Variants in DAB2IP observed in about 807,000 individuals in gnomAD.
The protein encoded by DAB2IP is disabled homolog 2-interacting protein.
A neutral mutation model predicts 107.2 loss-of-function variants in DAB2IP; 28 were observed. That is an observed-to-expected ratio of 0.26 (90% CI 0.19 to 0.36). The LOEUF is 0.36. DAB2IP is among the 10% of genes least tolerant of loss of function. DAB2IP has a pLI of 1.00. For missense variants in DAB2IP, 1,400 were observed against 1,644.7 expected (o/e 0.85, Z 2.57); for synonymous variants, 755 against 706.4 (o/e 1.07, Z -1.09).
intron 1 of DAB2IP, among the ~76,000 whole-genome samples, chr9:121,663,449 G>A (rs925634373): frequency 1.3e-5 from 2 of 152,136 alleles, no homozygotes; most frequent in Non-Finnish European, 2.9e-5. Context: ...CTGCCCCCGA[G>A]TGCTCTATGT....
chr9:121,597,772 C>T (rs774694564), intron 1 of DAB2IP, among the ~76,000 whole-genome samples: 2 of 152,180 alleles, frequency 1.3e-5, no homozygotes, highest in East Asian at 3.8e-4. Flanking sequence ...GTCGCACAGC[C>T]AGAAAGTGTT....
chr9:121,662,000 A>T lies in DAB2IP; in HGVS notation c.124+10101A>T, dbSNP rs575799459. 3.2e-4 allele frequency among the ~76,000 whole-genome samples: 49 copies of T among 152,040 alleles called. No homozygotes were observed. The South Asian group carries it at 9.4e-3, about 29-fold the overall frequency. On this transcript the variant is annotated intron_variant, in intron 1 of 15. Coordinates refer to ENST00000408936, the Ensembl canonical transcript of DAB2IP. ...TGTCTCGAAAAAAAAAAACAAAAAA[A>T]CCCAACTCCTAAGATTACAAAAAGC...
At chr9:121,749,134 T>C (rs771656005) in intron 3 of DAB2IP, among the ~76,000 whole-genome samples, 10 of 152,130 alleles carry the variant, frequency 6.6e-5, no homozygotes, top group Admixed American at 3.3e-4. Context: ...ATTCCTCTCC[T>C]CTCCCCTGGG....
At chr9:121,607,271 G>A (rs1830916951) in intron 1 of DAB2IP, among the ~76,000 whole-genome samples, 1 of 151,926 alleles carries the variant, frequency 6.6e-6, no homozygotes, top group Admixed American at 6.6e-5. Context: ...TGATGGTCTG[G>A]TTTTATGTTC....
intron 15 of DAB2IP, 83 bp downstream of exon 15, chr9:121,781,634 C>A: frequency 7.3e-7 from 1 of 1,368,040 alleles, no homozygotes; most frequent in South Asian, 1.2e-5. Context: ...CATCCTCAGT[C>A]ATACCTCACT....
chr9:121,773,298 C>T lies in DAB2IP; in HGVS notation c.2770C>T (p.Pro924Ser). The T allele has an allele frequency of 2.0e-6, 3 of 1,515,234 alleles. No homozygotes were observed. The East Asian group carries it at 7.4e-5, about 37-fold the overall frequency. The allele number at this position is 1,515,234 out of a possible 1,614,324, so 93.9% of individuals were successfully genotyped here. ...GAGGATCGACCAGCCTCCGCCCCCA[C>T]CCCCGCCGCCACCTCCTGCCCCCCG... Residue 924 changes from proline (P) to serine (S), a missense_variant, in exon 12 of 16, where the codon CCC (proline) becomes TCC (serine). This residue lies in a region of DAB2IP where 600 missense variants were observed against 659.1 expected (regional missense o/e 0.91). Coordinates refer to ENST00000408936, the Ensembl canonical transcript of DAB2IP.
intron 2 of DAB2IP, among the ~76,000 whole-genome samples, chr9:121,681,548 C>T (rs557601020): frequency 6.6e-6 from 1 of 152,198 alleles, no homozygotes; most frequent in South Asian, 2.1e-4. Context: ...GGTCGTTTTG[C>T]CCACTTCTCA....
chr9:121,775,511 C>G (rs1835136054), intron 13 of DAB2IP, among the ~76,000 whole-genome samples: 1 of 152,222 alleles, frequency 6.6e-6, no homozygotes, highest in Non-Finnish European at 1.5e-5. Context: ...TCTGGCCCCT[C>G]TCGATCCCGG....
Position 121,699,566 on chromosome 9 carries a change from G to A in DAB2IP, c.362+108G>A. 1 of 1,022,296 alleles carries A rather than the reference G, an allele frequency of 9.8e-7. No individual in the cohort carries two copies. Among genetic ancestry groups the A allele is most frequent in the Non-Finnish European group, 1.2e-6 (1 of 826,328 alleles). 63.3% of individuals were successfully genotyped at this position (1,022,296 alleles called of 1,614,324 possible). On this transcript the variant is annotated intron_variant, in intron 3 of 15. Coordinates refer to ENST00000408936, the Ensembl canonical transcript of DAB2IP. This position sits in a 1 kb window ranked among gnomAD's most constrained non-coding sequence, Gnocchi z 6.2. ...GGCCCGGGGCGAGCCACACGGCGGT[G>A]GGGGGACCCCACGCCGCCCGCCGGG...
chr9:121,590,636 C>T (rs1306520037), intron 1 of DAB2IP, among the ~76,000 whole-genome samples: 1 of 152,194 alleles, frequency 6.6e-6, no homozygotes, highest in Non-Finnish European at 1.5e-5. Context: ...TGGCAAAGCA[C>T]TCAAACTTGC....
chr9:121,615,877 T>C (rs1206167941), intron 1 of DAB2IP, among the ~76,000 whole-genome samples: 1 of 151,916 alleles, frequency 6.6e-6, no homozygotes, highest in African/African-American at 2.4e-5. Context: ...CCACCTCCCT[T>C]GGCCTCCCAA....
intron 1 of DAB2IP, among the ~76,000 whole-genome samples, chr9:121,592,380 A>G (rs1178269903): frequency 6.6e-6 from 1 of 152,180 alleles, no homozygotes; most frequent in African/African-American, 2.4e-5. Flanking sequence ...AAAAAAAAGA[A>G]AAAAGAAAAA....
chr9:121,734,423 C>T (rs1322857192), intron 3 of DAB2IP, among the ~76,000 whole-genome samples: 3 of 151,534 alleles, frequency 2.0e-5, no homozygotes, highest in Non-Finnish European at 4.4e-5. Context: ...AAGGAGCCTG[C>T]AAGCGGTTAT....
intron 2 of DAB2IP, among the ~76,000 whole-genome samples, chr9:121,687,715 G>A (rs62572795): frequency 0.055 from 8,366 of 152,206 alleles, 367 homozygotes; most frequent in Non-Finnish European, 0.085. Context: ...CTTACAACTC[G>A]AGGCTCAGAT....
intron 1 of DAB2IP, among the ~76,000 whole-genome samples, chr9:121,618,505 C>T (rs1222323101): frequency 2.6e-5 from 4 of 151,700 alleles, no homozygotes; most frequent in Non-Finnish European, 4.4e-5. Context: ...GGACTACAGG[C>T]GCCCACCACA....
chr9:121,696,782 T>C (rs1484696312), intron 2 of DAB2IP, among the ~76,000 whole-genome samples: 1 of 152,194 alleles, frequency 6.6e-6, no homozygotes, highest in Non-Finnish European at 1.5e-5. Context: ...AAGTCTGTCA[T>C]ATGCAGGGTC....
Position 121,717,868 on chromosome 9 carries a change from T to C in DAB2IP, c.362+18410T>C, listed in dbSNP as rs150256436. ...TGATGGGTGTCCTGCAAGCTGAGCC[T>C]GGGTTGTTGAAACTCCTGGCCCAGA... On this transcript the variant is annotated intron_variant, in intron 3 of 15. Coordinates refer to ENST00000408936, the Ensembl canonical transcript of DAB2IP. Among the ~76,000 whole-genome samples the C allele has an allele frequency of 2.7e-3, 413 of 152,290 alleles. 4 individuals carry two copies. The highest frequency in any genetic ancestry group is 9.6e-3 in the African/African-American group (398 of 41,568).
At chr9:121,735,906 C>A (rs1272346033) in intron 3 of DAB2IP, among the ~76,000 whole-genome samples, 1 of 152,216 alleles carries the variant, frequency 6.6e-6, no homozygotes, top group Admixed American at 6.5e-5. Flanking sequence ...TTTGTCTGCC[C>A]CCAGGCTTCT....
At position 121,736,256 on chromosome 9, in the gene DAB2IP, C is replaced by G. The variant is rs1484491039; in HGVS notation, c.363-20757C>G. ...GCTGCGCTGGTCTAAGCCCGACGAA[C>G]CCGGGGTGGGGCCAGCGGGCCAAAC... On this transcript the variant is annotated intron_variant, in intron 3 of 15. Coordinates refer to ENST00000408936, the Ensembl canonical transcript of DAB2IP. The surrounding 1 kb of genome is among the most constrained non-coding windows in gnomAD (Gnocchi z 4.6). Among the ~76,000 whole-genome samples, 3 of 152,212 alleles carry G rather than the reference C, an allele frequency of 2.0e-5. No individual in the cohort carries two copies. The highest frequency in any genetic ancestry group is 4.4e-5 in the Non-Finnish European group (3 of 68,038).
Sources: allele counts gnomAD v4.1 joint callset (sites outside exome capture counted in the v4.1 genomes callset), GRCh38; gene constraint gnomAD v4.1.1; regional missense constraint gnomAD v4.1.1; non-coding constraint Gnocchi (gnomAD v3.1); transcripts MANE v1.5; gene names NCBI Gene and HGNC (gene_info 2026-07-23, HGNC 2026-07-21).